COL21A1: variants seen among roughly 807,000 people sequenced by gnomAD.
COL21A1 encodes collagen alpha-1(XXI) chain.
In COL21A1, 149 loss-of-function variants were observed where a neutral mutation model predicts 137.9. That is an observed-to-expected ratio of 1.08 (90% CI 0.95 to 1.24). COL21A1 has a LOEUF of 1.24. Ranked by LOEUF, COL21A1 falls within the 50% of genes most tolerant of loss-of-function variation. The pLI is 0.00. For missense variants in COL21A1, 1,167 were observed against 1,158.4 expected (o/e 1.01, Z -0.11); for synonymous variants, 456 against 391.5 (o/e 1.16, Z -1.95).
chr6:56,067,812 C>T (rs981931732), intron 22 of COL21A1, among the ~76,000 whole-genome samples: 2 of 151,516 alleles, frequency 1.3e-5, no homozygotes, highest in African/African-American at 4.8e-5. Context: ...AAATTATATT[C>T]CATAAAAATA....
intron 1 of COL21A1, among the ~76,000 whole-genome samples, chr6:56,226,825 A>C (rs1582686430): frequency 6.6e-6 from 1 of 151,806 alleles, no homozygotes; most frequent in Admixed American, 6.6e-5. Context: ...TATGACAATG[A>C]AACTTTCGAA....
intron 22 of COL21A1, 51 bp downstream of exon 22, chr6:56,068,995 G>T: frequency 1.6e-6 from 2 of 1,255,086 alleles, no homozygotes; most frequent in Middle Eastern, 1.9e-4. Flanking sequence ...AGAAAAACTT[G>T]TTTGCAAGTA....
At chr6:56,132,338 T>C (rs902154425) in intron 12 of COL21A1, among the ~76,000 whole-genome samples, 2 of 152,084 alleles carry the variant, frequency 1.3e-5, no homozygotes, top group Non-Finnish European at 2.9e-5. Context: ...AATAGCAATT[T>C]CTAAAAAATT....
chr6:56,058,516 C>T (rs1011820547), intron 29 of COL21A1, among the ~76,000 whole-genome samples: 2 of 152,138 alleles, frequency 1.3e-5, no homozygotes, highest in African/African-American at 2.4e-5. Flanking sequence ...TCTTACTCCT[C>T]TACTCCCTGC....
chr6:56,071,096 C>T (rs1766708545), intron 20 of COL21A1, among the ~76,000 whole-genome samples: 1 of 151,438 alleles, frequency 6.6e-6, no homozygotes, highest in African/African-American at 2.4e-5. Context: ...CCAGCCACCA[C>T]ATTGCACAGG....
intron 16 of COL21A1, among the ~76,000 whole-genome samples, chr6:56,122,553 G>A (rs746094127): frequency 3.9e-5 from 6 of 152,120 alleles, no homozygotes; most frequent in Non-Finnish European, 5.9e-5. Context: ...TGACTCTAAT[G>A]AGGTTTCATA....
chr6:56,329,527 C>T lies in COL21A1; in HGVS notation c.-39+64444G>A, dbSNP rs980966056. The stretch of plus-strand genomic sequence containing the variant: ...GCAGCTGCATTTTCTCCCCTCTTTA[C>T]AACAGTTTAGTTCAGGGGTGAGAGG... On this transcript the variant is annotated intron_variant, in intron 1 of 28. Transcript: ENST00000370819. 3.3e-5 allele frequency among the ~76,000 whole-genome samples: 5 copies of T among 152,156 alleles called. No individual in the cohort carries two copies. The East Asian group carries it at 9.7e-4, about 29-fold the overall frequency.
At chr6:56,278,908 G>C (rs1763731235) in intron 1 of COL21A1, among the ~76,000 whole-genome samples, 1 of 152,180 alleles carries the variant, frequency 6.6e-6, no homozygotes, top group Admixed American at 6.5e-5. Context: ...TCATGCATGA[G>C]AATGAAGTTG....
intron 1 of COL21A1, among the ~76,000 whole-genome samples, chr6:56,240,826 A>G (rs1185699353): frequency 1.3e-5 from 2 of 152,174 alleles, no homozygotes; most frequent in Non-Finnish European, 2.9e-5. Flanking sequence ...TTAGTATTTG[A>G]CATGTCAATA....
At chr6:56,255,808 G>C (rs1039099788) in intron 1 of COL21A1, among the ~76,000 whole-genome samples, 1 of 152,178 alleles carries the variant, frequency 6.6e-6, no homozygotes, top group Non-Finnish European at 1.5e-5. Flanking sequence ...CAAGAAAGCC[G>C]CAATGTACCT....
At chr6:56,247,242 C>T (rs758990348) in intron 1 of COL21A1, 145 bp downstream of exon 1, 1 of 152,372 alleles carries the variant, frequency 6.6e-6, no homozygotes, top group Non-Finnish European at 1.5e-5. Flanking sequence ...ATTCACCGAA[C>T]AGTTCACCAA....
intron 1 of COL21A1, among the ~76,000 whole-genome samples, chr6:56,196,953 G>C (rs776998390): frequency 6.6e-6 from 1 of 151,972 alleles, no homozygotes; most frequent in East Asian, 1.9e-4. Flanking sequence ...AACAAAGCTG[G>C]AGGCATCACA....
intron 1 of COL21A1, among the ~76,000 whole-genome samples, chr6:56,253,926 G>A (rs1363884661): frequency 6.6e-6 from 1 of 152,146 alleles, no homozygotes; most frequent in Non-Finnish European, 1.5e-5. Context: ...CGGAAAGCAT[G>A]TTCTTAGATC....
chr6:56,255,270 C>G (rs1414785075), intron 1 of COL21A1, among the ~76,000 whole-genome samples: 1 of 151,814 alleles, frequency 6.6e-6, no homozygotes, highest in African/African-American at 2.4e-5. Context: ...ATAACTGTCT[C>G]TTTCAATTCT....
intron 1 of COL21A1, among the ~76,000 whole-genome samples, chr6:56,221,805 T>C (rs1325567807): frequency 2.0e-5 from 3 of 152,170 alleles, no homozygotes; most frequent in Non-Finnish European, 4.4e-5. Context: ...TCTTTTACTA[T>C]CAGTGTTTCC....
At chr6:56,344,567 G>A (rs927884102) in intron 1 of COL21A1, among the ~76,000 whole-genome samples, 6 of 152,114 alleles carry the variant, frequency 3.9e-5, no homozygotes, top group Non-Finnish European at 5.9e-5. Context: ...ATAATAAGTT[G>A]GATGAGAGTT....
intron 16 of COL21A1, among the ~76,000 whole-genome samples, chr6:56,117,952 T>C (rs1257546378): frequency 6.6e-6 from 1 of 151,950 alleles, no homozygotes; most frequent in Non-Finnish European, 1.5e-5. Context: ...GATGGAAGTT[T>C]ATAGCTCTAA....
intron 1 of COL21A1, among the ~76,000 whole-genome samples, chr6:56,365,247 T>C (rs1389317888): frequency 6.6e-6 from 1 of 152,166 alleles, no homozygotes; most frequent in Non-Finnish European, 1.5e-5. Flanking sequence ...GAATAAATCA[T>C]CTTATCCTCT....
intron 1 of COL21A1, among the ~76,000 whole-genome samples, chr6:56,374,621 C>T (rs2093995955): frequency 6.7e-6 from 1 of 149,248 alleles, no homozygotes; most frequent in African/African-American, 2.5e-5. Context: ...ACTCGGGAAG[C>T]TGAGGCAGGA....
Sources: allele counts gnomAD v4.1 joint callset (sites outside exome capture counted in the v4.1 genomes callset), GRCh38; gene constraint gnomAD v4.1.1; transcripts MANE v1.5; gene names NCBI Gene and HGNC (gene_info 2026-07-23, HGNC 2026-07-21).